Variants in PDGFRL observed in about 807,000 individuals in gnomAD.
The protein encoded by PDGFRL is platelet-derived growth factor receptor-like protein.
In PDGFRL, 46 loss-of-function variants were observed where a neutral mutation model predicts 37.2. That is an observed-to-expected ratio of 1.24 (90% confidence interval 0.98 to 1.58). PDGFRL has a LOEUF of 1.58. Ranked by LOEUF, PDGFRL falls within the 40% of genes most tolerant of loss-of-function variation. The probability of loss-of-function intolerance (pLI) is 0.00; values close to 1 mark genes in which losing one functional copy is unlikely to be tolerated. For missense variants in PDGFRL, 692 were observed against 467.6 expected (o/e 1.48, Z -4.43); for synonymous variants, 251 against 184.3 (o/e 1.36, Z -2.93).
chr8:17,600,640 A>C (rs1804147139), intron 2 of PDGFRL, among the ~76,000 whole-genome samples: 1 of 151,896 alleles, frequency 6.6e-6, no homozygotes, highest in Non-Finnish European at 1.5e-5. Context: ...ATCTCTAAAA[A>C]AAAAATTGTT....
chr8:17,639,619 C>G (rs1353503887), intron 5 of PDGFRL, among the ~76,000 whole-genome samples: 1 of 152,140 alleles, frequency 6.6e-6, no homozygotes, highest in Non-Finnish European at 1.5e-5. Context: ...TTTCTTCTAG[C>G]TTGTAGGGTT....
chr8:17,627,169 C>G (rs578165555), intron 3 of PDGFRL, among the ~76,000 whole-genome samples: 1 of 152,286 alleles, frequency 6.6e-6, no homozygotes, highest in East Asian at 1.9e-4. Flanking sequence ...GATTTCTCCA[C>G]CCACAAGCAG....
At chr8:17,599,969 A>G (rs1401874982) in intron 2 of PDGFRL, among the ~76,000 whole-genome samples, 2 of 152,158 alleles carry the variant, frequency 1.3e-5, no homozygotes, top group Non-Finnish European at 2.9e-5. Context: ...ATCTCCTTGA[A>G]AAGGATTTAT....
In PDGFRL at chr8:17,602,596, C is replaced by T. The variant is rs1175553108; in HGVS notation, c.353+12831C>T. Among the ~76,000 whole-genome samples the T allele has an allele frequency of 2.6e-5, 4 of 151,972 alleles. No individual in the cohort carries two copies. The East Asian group carries it at 5.8e-4, about 22-fold the overall frequency. On this transcript the variant is annotated intron_variant, in intron 2 of 5. Transcript: ENST00000251630. ...GATTTTTCTTGGTGGAATAGCTTTGCGTGGAAAGTGGTTGAAATTCCACAT... is the reference window on the plus strand; with the variant it reads ...GATTTTTCTTGGTGGAATAGCTTTGTGTGGAAAGTGGTTGAAATTCCACAT...
chr8:17,578,545 A>G (rs1803636559), intron 1 of PDGFRL, among the ~76,000 whole-genome samples: 1 of 152,206 alleles, frequency 6.6e-6, no homozygotes, highest in African/African-American at 2.4e-5. Flanking sequence ...CAATATTAAA[A>G]TGCTCCTGGC....
At chr8:17,607,137 C>G (rs1469987941) in intron 2 of PDGFRL, among the ~76,000 whole-genome samples, 1 of 152,020 alleles carries the variant, frequency 6.6e-6, no homozygotes, top group African/African-American at 2.4e-5. Flanking sequence ...CTCAAGTGAT[C>G]CACCTGCCTT....
chr8:17,603,451 C>T (rs1378510572), intron 2 of PDGFRL, among the ~76,000 whole-genome samples: 5 of 152,310 alleles, frequency 3.3e-5, no homozygotes, highest in African/African-American at 1.2e-4. Flanking sequence ...TTGCTGATGA[C>T]TGTATTTTCA....
intron 3 of PDGFRL, among the ~76,000 whole-genome samples, chr8:17,625,557 C>G (rs7834936): frequency 6.6e-6 from 1 of 152,030 alleles, no homozygotes; most frequent in East Asian, 1.9e-4. Flanking sequence ...CATGTGTAAT[C>G]TATAATTATT....
At chr8:17,632,843 C>T (rs563488791) in intron 4 of PDGFRL, among the ~76,000 whole-genome samples, 21 of 152,298 alleles carry the variant, frequency 1.4e-4, no homozygotes, top group African/African-American at 4.8e-4. Flanking sequence ...CATTCCCAGC[C>T]TGCTGGTGTC....
At chr8:17,608,968 C>T (rs189321443) in intron 2 of PDGFRL, among the ~76,000 whole-genome samples, 196 of 152,300 alleles carry the variant, frequency 1.3e-3, no homozygotes, top group African/African-American at 4.6e-3. Context: ...CCTGTAATCC[C>T]AGCACTTTGG....
chr8:17,584,154 A>G (rs1314131880), intron 1 of PDGFRL, among the ~76,000 whole-genome samples: 1 of 152,150 alleles, frequency 6.6e-6, no homozygotes, highest in Non-Finnish European at 1.5e-5. Flanking sequence ...TTGTTGCTGG[A>G]TTGGATGTGG....
intron 1 of PDGFRL, among the ~76,000 whole-genome samples, chr8:17,584,278 G>T (rs2150808910): frequency 6.6e-6 from 1 of 152,250 alleles, no homozygotes; most frequent in African/African-American, 2.4e-5. Context: ...GGCATTCAGA[G>T]GTCAGACATG....
At chr8:17,619,605 G>C (rs1804593316) in intron 2 of PDGFRL, among the ~76,000 whole-genome samples, 1 of 152,202 alleles carries the variant, frequency 6.6e-6, no homozygotes, top group Non-Finnish European at 1.5e-5. Context: ...CTTCCTAAAA[G>C]AAAGTTTTTG....
intron 2 of PDGFRL, among the ~76,000 whole-genome samples, chr8:17,598,440 A>G (rs755664385): frequency 6.6e-6 from 1 of 152,148 alleles, no homozygotes; most frequent in Non-Finnish European, 1.5e-5. Context: ...ACCTAGAACA[A>G]TGTCTGACAC....
At chr8:17,597,487 A>C (rs1275029248) in intron 2 of PDGFRL, among the ~76,000 whole-genome samples, 1 of 152,236 alleles carries the variant, frequency 6.6e-6, no homozygotes, top group African/African-American at 2.4e-5. Context: ...AAGAAGAAGG[A>C]GATCTAATGA....
chr8:17,583,568 G>T (rs544187365), intron 1 of PDGFRL, among the ~76,000 whole-genome samples: 4 of 152,310 alleles, frequency 2.6e-5, no homozygotes, highest in Admixed American at 6.5e-5. Flanking sequence ...TGGGGGGCCA[G>T]AGGTGCAATG....
Position 17,589,623 on chromosome 8 carries a change from G to A in PDGFRL, c.211G>A (p.Val71Met), listed in dbSNP as rs145560688. The A allele has an allele frequency of 3.1e-6, 5 of 1,613,934 alleles. No homozygotes were observed. The highest frequency in any genetic ancestry group is 1.7e-5 in the Admixed American group (1 of 60,000). ...AAAGACGCAGTCTATCATGATGCAA[G>A]TGCTGGATAAAGGTCGCTTCCAGAA... ...APKTQSIMMQ[V>M]LDKGRFQKPA... Residue 71 changes from valine (V) to methionine (M), a missense_variant, in exon 2 of 6, where the codon GTG (valine) becomes ATG (methionine). Val to Met is a conservative substitution (Grantham distance 21). Coordinates refer to ENST00000251630, the MANE Select transcript of PDGFRL (RefSeq NM_001372073.1).
chr8:17,612,561 T>G (rs1205897041), intron 2 of PDGFRL, among the ~76,000 whole-genome samples: 2 of 152,132 alleles, frequency 1.3e-5, no homozygotes. Context: ...AGTAGATATG[T>G]GGTTTCACCA....
intron 2 of PDGFRL, among the ~76,000 whole-genome samples, chr8:17,597,398 C>G (rs1037009384): frequency 6.6e-6 from 1 of 152,230 alleles, no homozygotes; most frequent in Non-Finnish European, 1.5e-5. Context: ...CTTCTGACTG[C>G]TTCATCTTTT....
Sources: gnomAD v4.1 joint callset for allele counts (sites outside exome capture counted in the v4.1 genomes callset) on GRCh38, gnomAD v4.1.1 for gene constraint, MANE v1.5 for transcripts, NCBI Gene and HGNC (gene_info 2026-07-23, HGNC 2026-07-21) for gene names.